XKR6: variants seen among roughly 807,000 people sequenced by gnomAD.
The protein encoded by XKR6 is XK-related protein 6.
Under a neutral mutation model 56.7 loss-of-function variants are expected in XKR6, and 22 were observed. That is an observed-to-expected ratio of 0.39 (90% CI 0.28 to 0.55). XKR6 has a LOEUF of 0.55. XKR6 is among the 20% of genes least tolerant of loss of function. XKR6 has a pLI of 0.66. For missense variants in XKR6, 852 were observed against 889.0 expected, an observed-to-expected ratio of 0.96 and a Z score of 0.53; for synonymous variants, 524 against 387.8, an observed-to-expected ratio of 1.35 and a Z score of -4.13.
intron 1 of XKR6, among the ~76,000 whole-genome samples, chr8:10,962,083 G>A (rs1457695950): frequency 6.6e-6 from 1 of 152,230 alleles, no homozygotes; most frequent in East Asian, 1.9e-4. Context: ...AATGAAAAGT[G>A]TCTTGGCCTA....
At chr8:10,899,813 C>T (rs914037067) in intron 2 of XKR6, among the ~76,000 whole-genome samples, 4 of 152,144 alleles carry the variant, frequency 2.6e-5, no homozygotes, top group African/African-American at 9.7e-5. Context: ...TTGAGTGTGC[C>T]TAATCCCAAG....
intron 1 of XKR6, among the ~76,000 whole-genome samples, chr8:11,173,938 G>C (rs1802517484): frequency 6.6e-6 from 1 of 152,208 alleles, no homozygotes; most frequent in African/African-American, 2.4e-5. Context: ...ACAACTTACT[G>C]CTGATGGGGT....
At chr8:11,033,328 ATGGTGATGGTGG>A (rs1351597354) in intron 1 of XKR6, among the ~76,000 whole-genome samples, 1 of 146,736 alleles carries the variant, frequency 6.8e-6, no homozygotes, top group African/African-American at 2.7e-5. Flanking sequence ...GACGATAGTG[ATGGTGATGGTGG>A]TGGTGATGAT....
At chr8:11,125,785 C>A (rs975399079) in intron 1 of XKR6, 1 of 152,154 alleles carries the variant, frequency 6.6e-6, no homozygotes. Context: ...GCATCTGTAC[C>A]TACATCACTC....
intron 1 of XKR6, among the ~76,000 whole-genome samples, chr8:11,172,854 G>T (rs1802448114): frequency 6.6e-6 from 1 of 152,112 alleles, no homozygotes; most frequent in Non-Finnish European, 1.5e-5. Context: ...GATTCACGGG[G>T]AAAACATTTA....
rs1799786945 is a variant in XKR6 at position 11,126,218 on chromosome 8, A to AACT, written c.764+74357_764+74358insAGT. On this transcript the variant is annotated intron_variant, in intron 1 of 2. Coordinates refer to ENST00000416569, the MANE Select transcript of XKR6 (RefSeq NM_173683.4). ...TGAGTAGCTAGGATTACAGGCGTGC[A>AACT]CTACCACGCCCGGCTAATTTTTGTA... is the stretch of plus-strand genomic sequence containing the variant. Among the ~76,000 whole-genome samples the AACT allele has an allele frequency of 3.5e-4, 53 of 151,862 alleles. 1 individual carries two copies. Among genetic ancestry groups the AACT allele is most frequent in the Non-Finnish European group, 1.0e-4 (7 of 67,970 alleles).
intron 1 of XKR6, among the ~76,000 whole-genome samples, chr8:11,045,014 T>G (rs1276258745): frequency 6.6e-6 from 1 of 151,894 alleles, no homozygotes; most frequent in African/African-American, 2.4e-5. Context: ...CAGTGATCTT[T>G]GCTTACTTGT....
intron 1 of XKR6, among the ~76,000 whole-genome samples, chr8:11,161,112 T>C (rs1019345905): frequency 6.6e-6 from 1 of 152,146 alleles, no homozygotes; most frequent in South Asian, 2.1e-4. Flanking sequence ...TCCAGTCAAA[T>C]CAAAACTGCC....
intron 1 of XKR6, among the ~76,000 whole-genome samples, chr8:11,012,603 T>C (rs1388135212): frequency 6.6e-6 from 1 of 152,028 alleles, no homozygotes; most frequent in Non-Finnish European, 1.5e-5. Flanking sequence ...AAATGTAAAC[T>C]ATAGAAAAAG....
At chr8:11,085,487 T>C (rs1205408985) in intron 1 of XKR6, among the ~76,000 whole-genome samples, 1 of 152,166 alleles carries the variant, frequency 6.6e-6, no homozygotes, top group African/African-American at 2.4e-5. Flanking sequence ...TGTGTGCATG[T>C]CTGTGCTTGT....
chr8:10,932,582 C>T (rs1035441836), intron 1 of XKR6, among the ~76,000 whole-genome samples: 1 of 116,276 alleles, frequency 8.6e-6, no homozygotes, highest in African/African-American at 3.3e-5. Context: ...CCCCTCCCCC[C>T]ACCCCACCAC....
intron 1 of XKR6, among the ~76,000 whole-genome samples, chr8:11,144,628 C>G (rs1223658141): frequency 6.6e-6 from 1 of 152,054 alleles, no homozygotes; most frequent in Non-Finnish European, 1.5e-5. Flanking sequence ...CTCCCTCACT[C>G]AGGCAGATAC....
In XKR6 at chr8:11,093,226, T is replaced by G. The variant is rs563529724; in HGVS notation, c.764+107350A>C. ...GTGTGCCACCATGCCCGGCTAATTT[T>G]GTATTTTTAGTAGAGACAGGCTTTC... is the stretch of plus-strand genomic sequence containing the variant. On this transcript the variant is annotated intron_variant, in intron 1 of 2. Coordinates refer to ENST00000416569, the MANE Select transcript of XKR6 (RefSeq NM_173683.4). Among the ~76,000 whole-genome samples the G allele has an allele frequency of 2.8e-4, 42 of 152,166 alleles. No individual in the cohort carries two copies. The East Asian group carries it at 7.0e-3, about 25-fold the overall frequency.
chr8:11,115,814 C>A (rs945662865), intron 1 of XKR6, among the ~76,000 whole-genome samples: 2 of 152,202 alleles, frequency 1.3e-5, no homozygotes, highest in African/African-American at 4.8e-5. Context: ...CAACCTCCAG[C>A]ATAAATGGGT....
chr8:10,987,776 C>T (rs901645415), intron 1 of XKR6, among the ~76,000 whole-genome samples: 2 of 152,242 alleles, frequency 1.3e-5, no homozygotes, highest in African/African-American at 4.8e-5. Context: ...CCAGGACATT[C>T]TGTCTACCAC....
chr8:11,100,716 T>G (rs1290355961), intron 1 of XKR6, among the ~76,000 whole-genome samples: 2 of 152,244 alleles, frequency 1.3e-5, no homozygotes, highest in Non-Finnish European at 2.9e-5. Flanking sequence ...TGTTGTCTCT[T>G]TGATCTGCCT....
At chr8:11,184,388 TACACACACACACACACACAC>T (rs6150466) in intron 1 of XKR6, among the ~76,000 whole-genome samples, 1 of 146,156 alleles carries the variant, frequency 6.8e-6, no homozygotes, top group Non-Finnish European at 1.5e-5. Flanking sequence ...TATACACACA[TACACACACACACACACACAC>T]ACACACACAC....
At chr8:10,951,185 T>G (rs926026055) in intron 1 of XKR6, among the ~76,000 whole-genome samples, 4 of 151,968 alleles carry the variant, frequency 2.6e-5, no homozygotes, top group African/African-American at 9.7e-5. Context: ...GAACTCAGTT[T>G]CCAGGCAGAG....
chr8:10,937,144 ATTCAT>A (rs1563298383), intron 1 of XKR6, among the ~76,000 whole-genome samples: 1 of 85,078 alleles, frequency 1.2e-5, no homozygotes, highest in Non-Finnish European at 2.4e-5. Context: ...GCTTCATTTC[ATTCAT>A]TTCATCTTCC....
Sources: allele counts gnomAD v4.1 joint callset (sites outside exome capture counted in the v4.1 genomes callset), GRCh38; gene constraint gnomAD v4.1.1; transcripts MANE v1.5; gene names NCBI Gene and HGNC (gene_info 2026-07-23, HGNC 2026-07-21).